The following NRXN1 variants were observed in gnomAD, a reference collection of about 807,000 sequenced individuals.
NRXN1 encodes neurexin-1.
Under a neutral mutation model 150.9 loss-of-function variants are expected in NRXN1, and 39 were observed. That is an observed-to-expected ratio of 0.26 (90% CI 0.20 to 0.34). NRXN1 has a LOEUF of 0.34. Ranked by LOEUF, NRXN1 falls within the 10% of genes least tolerant of loss-of-function variation. NRXN1 has a pLI of 1.00. For missense variants in NRXN1, 1,815 were observed against 1,949.9 expected (o/e 0.93, Z 1.30); for synonymous variants, 924 against 757.0 (o/e 1.22, Z -3.62).
At chr2:50,742,043 A>C (rs928367993) in intron 5 of NRXN1, among the ~76,000 whole-genome samples, 5 of 152,186 alleles carry the variant, frequency 3.3e-5, no homozygotes, top group African/African-American at 1.2e-4. Flanking sequence ...ATAATTAAAA[A>C]GGAAAAGAAA....
intron 5 of NRXN1, among the ~76,000 whole-genome samples, chr2:50,803,632 A>G (rs1177284640): frequency 1.3e-5 from 2 of 152,176 alleles, no homozygotes; most frequent in Non-Finnish European, 2.9e-5. Context: ...GAATATTTTC[A>G]AAAGCATATC....
chr2:50,885,657 G>T (rs1369613249), intron 5 of NRXN1, among the ~76,000 whole-genome samples: 1 of 151,352 alleles, frequency 6.6e-6, no homozygotes, highest in Non-Finnish European at 1.5e-5. Context: ...AGCCAGCAGA[G>T]AGCATCATTA....
rs182821756 is a variant in NRXN1 at position 50,921,526 on chromosome 2, A to G, written c.832+343T>C. On this transcript the variant is annotated intron_variant, in intron 5 of 22. Coordinates refer to ENST00000401669, the MANE Select transcript of NRXN1 (RefSeq NM_001330078.2). ...CTAGGGCAGGTGTGCTCCAGAGCTG[A>G]ATATTTGAAGATCACATATTTACAG... Among the ~76,000 whole-genome samples, 98 of 151,870 alleles carry G rather than the reference A, an allele frequency of 6.5e-4. 1 individual carries two copies. The highest frequency in any genetic ancestry group is 2.2e-3 in the African/African-American group (92 of 41,494).
intron 2 of NRXN1, among the ~76,000 whole-genome samples, chr2:50,943,960 T>C (rs1034317130): frequency 6.6e-6 from 1 of 152,026 alleles, no homozygotes; most frequent in African/African-American, 2.4e-5. Flanking sequence ...TTCTGACAAA[T>C]GATGGAAGGA....
At chr2:50,474,339 AG>A (rs2089788607) in intron 15 of NRXN1, among the ~76,000 whole-genome samples, 1 of 151,868 alleles carries the variant, frequency 6.6e-6, no homozygotes, top group South Asian at 2.1e-4. Context: ...AGTTTACATA[AG>A]AAAAGTAAAG....
At chr2:50,237,570 C>T (rs1166949621) in intron 17 of NRXN1, among the ~76,000 whole-genome samples, 1 of 151,522 alleles carries the variant, frequency 6.6e-6, no homozygotes, top group African/African-American at 2.4e-5. Flanking sequence ...GTTTAACAAG[C>T]AACATCTAGT....
chr2:50,689,466 T>G (rs1691733680), intron 5 of NRXN1, among the ~76,000 whole-genome samples: 3 of 152,194 alleles, frequency 2.0e-5, no homozygotes, highest in African/African-American at 7.2e-5. Context: ...TATACATAAC[T>G]GGACTCCATC....
At chr2:50,185,739 A>G (rs1417079564) in intron 18 of NRXN1, 1 of 152,078 alleles carries the variant, frequency 6.6e-6, no homozygotes, top group East Asian at 1.9e-4. Context: ...ACTGAACTAT[A>G]TTTGACTGTA....
At chr2:50,996,976 G>T (rs181127934) in intron 2 of NRXN1, among the ~76,000 whole-genome samples, 1 of 151,932 alleles carries the variant, frequency 6.6e-6, no homozygotes, top group Admixed American at 6.6e-5. Context: ...TAGGTTTCAC[G>T]TAAGGAGAAA....
chr2:50,475,086 C>T (rs1409808323), intron 15 of NRXN1, among the ~76,000 whole-genome samples: 2 of 151,986 alleles, frequency 1.3e-5, no homozygotes, highest in African/African-American at 4.8e-5. Context: ...ACTACCTACT[C>T]CTTTCATTTG....
In NRXN1 at chr2:50,300,929, C is replaced by G. The variant is rs545867082; in HGVS notation, c.3365-63959G>C. On this transcript the variant is annotated intron_variant, in intron 17 of 22. Coordinates refer to ENST00000401669, the MANE Select transcript of NRXN1 (RefSeq NM_001330078.2). ...CAGGCTGGTCTCGAACTCCTGACCT[C>G]AGGTGATCCACCCTTCTTGGCTTCC... Among the ~76,000 whole-genome samples the G allele has an allele frequency of 3.9e-5, 6 of 152,218 alleles. No individual in the cohort carries two copies. The East Asian group carries it at 7.8e-4, about 20-fold the overall frequency.
intron 5 of NRXN1, among the ~76,000 whole-genome samples, chr2:50,860,776 G>C (rs1289337128): frequency 6.6e-6 from 1 of 152,016 alleles, no homozygotes; most frequent in Non-Finnish European, 1.5e-5. Flanking sequence ...GAGTGAGAGA[G>C]GATAGGCATG....
intron 5 of NRXN1, among the ~76,000 whole-genome samples, chr2:50,764,375 C>T (rs1408397593): frequency 6.6e-6 from 1 of 151,978 alleles, no homozygotes. Flanking sequence ...TAATACATGA[C>T]ATCTAAGGCT....
intron 18 of NRXN1, among the ~76,000 whole-genome samples, chr2:50,128,204 A>G (rs1273228185): frequency 6.6e-6 from 1 of 152,180 alleles, no homozygotes; most frequent in Non-Finnish European, 1.5e-5. Flanking sequence ...AGGTGAAAAG[A>G]TATCTCTGAG....
intron 17 of NRXN1, among the ~76,000 whole-genome samples, chr2:50,375,987 A>C (rs2080459682): frequency 6.6e-6 from 1 of 151,914 alleles, no homozygotes; most frequent in South Asian, 2.1e-4. Context: ...GGAGGACAAA[A>C]TATTCTCTAC....
intron 8 of NRXN1, chr2:50,615,744 A>T (rs963526759): frequency 3.9e-5 from 6 of 152,208 alleles, no homozygotes; most frequent in African/African-American, 1.4e-4. Context: ...GTAAATGGGC[A>T]AGATGTCCTC....
chr2:50,364,141 A>G (rs2079421146), intron 17 of NRXN1, among the ~76,000 whole-genome samples: 1 of 152,146 alleles, frequency 6.6e-6, no homozygotes, highest in Non-Finnish European at 1.5e-5. Context: ...CCTAATGTAG[A>G]TGACAGGTTG....
chr2:50,373,658 G>GGAAGA (rs2080233151), intron 17 of NRXN1, among the ~76,000 whole-genome samples: 2 of 92,862 alleles, frequency 2.2e-5, no homozygotes, highest in African/African-American at 8.9e-5. Context: ...AAGAAAGAAA[G>GGAAGA]AAAGAAAGAA....
chr2:50,280,811 A>C (rs1448471686), intron 17 of NRXN1, among the ~76,000 whole-genome samples: 1 of 152,104 alleles, frequency 6.6e-6, no homozygotes, highest in Non-Finnish European at 1.5e-5. Context: ...CTGAGGGAAG[A>C]ATATGATTAA....
Sources: gnomAD v4.1 joint callset for allele counts (sites outside exome capture counted in the v4.1 genomes callset) on GRCh38, gnomAD v4.1.1 for gene constraint, MANE v1.5 for transcripts, NCBI Gene and HGNC (gene_info 2026-07-23, HGNC 2026-07-21) for gene names.